GALNT8: variants seen among roughly 807,000 people sequenced by gnomAD.
GALNT8 encodes the protein probable polypeptide N-acetylgalactosaminyltransferase 8.
Under a neutral mutation model 62.7 loss-of-function variants are expected in GALNT8, and 66 were observed. The observed-to-expected ratio is 1.05, with a 90% CI of 0.86 to 1.29. The LOEUF (loss-of-function observed/expected upper bound fraction) is 1.29, where lower values mean the gene tolerates loss of function less well. GALNT8 is among the 50% of genes most tolerant of loss of function. The probability of loss-of-function intolerance (pLI) is 0.00; values close to 1 mark genes in which losing one functional copy is unlikely to be tolerated. For missense variants in GALNT8, 771 were observed against 791.8 expected (o/e 0.97, Z 0.32); for synonymous variants, 288 against 294.3 (o/e 0.98, Z 0.22).
At chr12:4,770,489 A>G (rs1946419333) in intron 10 of GALNT8, among the ~76,000 whole-genome samples, 1 of 152,090 alleles carries the variant, frequency 6.6e-6, no homozygotes, top group Non-Finnish European at 1.5e-5. Context: ...AAAGGTCACA[A>G]TAAATTATTG....
Position 4,764,009 on chromosome 12 carries a change from A to AC in GALNT8, c.1560dup (p.Ile521HisfsTer7). The AC allele has an allele frequency of 6.3e-7, 1 of 1,599,766 alleles. No homozygotes were observed. Among genetic ancestry groups the AC allele is most frequent in the Non-Finnish European group, 8.6e-7 (1 of 1,166,832 alleles). ...GGATCAGGGACCCGTTCCAGGCAAC[A>AC]CCCCCATCATGTATTACTGCCATGA... On this transcript the variant is annotated frameshift_variant, in exon 9 of 11. Transcript: ENST00000252318. LOFTEE classifies it high-confidence loss of function.
rs73264336 is a variant in GALNT8, at chr12:4,761,035, C to T, written c.1251C>T (p.Tyr417=). ...ACCTAGAGAGACACCACAAGCCCTA[C>T]GCCTTGGATCTCACCGCTGCCTTGA... ...IAHLERHHKP[Y]ALDLTAALKR... Residue 417 remains tyrosine (Y), a synonymous_variant, in exon 7 of 11, where the codon TAC becomes TAT. Transcript: ENST00000252318. 6.5e-4 allele frequency: 1,056 copies of T among 1,614,026 alleles called. 3 individuals are homozygous for T. In the African/African-American group the frequency reaches 0.012, roughly 18 times the overall value.
chr12:4,747,298 T>G (rs1316606956), intron 6 of GALNT8, among the ~76,000 whole-genome samples: 1 of 152,208 alleles, frequency 6.6e-6, no homozygotes, highest in East Asian at 1.9e-4. Flanking sequence ...TGCCATCAAA[T>G]AGTAGGTCTT....
At chr12:4,755,399 C>T (rs753809379) in intron 6 of GALNT8, among the ~76,000 whole-genome samples, 2 of 152,166 alleles carry the variant, frequency 1.3e-5, no homozygotes, top group Non-Finnish European at 1.5e-5. Flanking sequence ...GAGTGCCTCA[C>T]GATTGCTGTG....
Position 4,749,092 on chromosome 12 carries a change from C to T in GALNT8, c.1173+2834C>T, listed in dbSNP as rs150455712. ...TGCAACTTTACTGAATTTATCAGTT[C>T]GAATAGTTTTTTGGTGGAGTCTTTA... On this transcript the variant is annotated intron_variant, in intron 6 of 10. Transcript: ENST00000252318. The surrounding 1 kb of genome is among the most constrained non-coding windows in gnomAD (Gnocchi z 4.1). Among the ~76,000 whole-genome samples, 1,533 of 152,118 alleles carry T rather than the reference C, an allele frequency of 0.01. 33 individuals carry two copies. The highest frequency in any genetic ancestry group is 0.035 in the African/African-American group (1,460 of 41,512).
intron 10 of GALNT8, among the ~76,000 whole-genome samples, chr12:4,769,910 A>G (rs1200808343): frequency 6.6e-6 from 1 of 152,118 alleles, no homozygotes; most frequent in Admixed American, 6.5e-5. Flanking sequence ...AATGTTTTCC[A>G]AGTTAAAAAA....
chr12:4,720,790 C>A lies in GALNT8; in HGVS notation c.113C>A (p.Thr38Lys). ...SSKGTLQNLF[T>K]GGLHRELPLH... is the part of the protein sequence containing the mutation. ...AAGGGGACTTTACAAAACCTGTTTA[C>A]GGGTGGTCTCCACAGGGAGCTTCCT... is the stretch of plus-strand genomic sequence containing the variant. Residue 38 changes from threonine to lysine, a missense_variant, in exon 1 of 11, where the codon ACG becomes AAG. Coordinates refer to ENST00000252318, the MANE Select transcript of GALNT8 (RefSeq NM_017417.2). 6.2e-7 allele frequency: 1 copy of A among 1,610,944 alleles called. No individual in the cohort carries two copies. The highest frequency in any genetic ancestry group is 8.5e-7 in the Non-Finnish European group (1 of 1,177,100).
intron 3 of GALNT8, among the ~76,000 whole-genome samples, chr12:4,741,366 G>A (rs1272603186): frequency 6.6e-6 from 1 of 152,086 alleles, no homozygotes; most frequent in African/African-American, 2.4e-5. Flanking sequence ...TCTGGGCATG[G>A]AGACTGGTAC....
At chr12:4,733,962 A>G (rs1946231821) in intron 2 of GALNT8, among the ~76,000 whole-genome samples, 1 of 152,126 alleles carries the variant, frequency 6.6e-6, no homozygotes, top group African/African-American at 2.4e-5. Context: ...TTCTCCTCTT[A>G]TTGCTCCTAG....
intron 1 of GALNT8, among the ~76,000 whole-genome samples, chr12:4,725,464 A>G (rs953334876): frequency 7.9e-5 from 12 of 152,092 alleles, no homozygotes; most frequent in African/African-American, 2.7e-4. Context: ...TGTTTAAAAT[A>G]TAGATTCTCA....
intron 2 of GALNT8, among the ~76,000 whole-genome samples, chr12:4,736,886 T>C (rs1398200314): frequency 6.6e-6 from 1 of 152,144 alleles, no homozygotes; most frequent in Non-Finnish European, 1.5e-5. Flanking sequence ...GCCCAGATAT[T>C]GGACTTATCT....
chr12:4,744,808 C>A (rs1946289624), intron 4 of GALNT8, 108 bp downstream of exon 4: 4 of 701,786 alleles, frequency 5.7e-6, no homozygotes, highest in Non-Finnish European at 9.1e-6. Context: ...CAGCACCAGG[C>A]CTTAAATAAA....
At position 4,726,553 on chromosome 12, in the gene GALNT8, T is replaced by C. The variant is rs1946196265; in HGVS notation, c.233T>C (p.Leu78Pro). The C allele has an allele frequency of 3.1e-6, 5 of 1,612,848 alleles. No homozygotes were observed. The highest frequency in any genetic ancestry group is 4.2e-6 in the Non-Finnish European group (5 of 1,179,160). Residue 78 changes from leucine to proline, a missense_variant, in exon 2 of 11, where the codon CTG becomes CCG. By Grantham distance (98) the Leu-to-Pro change is moderately conservative. Coordinates refer to ENST00000252318, the MANE Select transcript of GALNT8 (RefSeq NM_017417.2). The surrounding 1 kb of genome is among the most constrained non-coding windows in gnomAD (Gnocchi z 4.1). Reference sequence around the variant, plus strand: ...GCAGAAGAAAGTATGAAATTAGCTCTGAGGCAACAAGAAAATGTGAACAGC... The same window carrying C: ...GCAGAAGAAAGTATGAAATTAGCTCCGAGGCAACAAGAAAATGTGAACAGC... ...QDLKESMKLA[L>P]RQQENVNSTL...
At chr12:4,750,584 T>C (rs565405053) in intron 6 of GALNT8, among the ~76,000 whole-genome samples, 1 of 152,312 alleles carries the variant, frequency 6.6e-6, no homozygotes, top group South Asian at 2.1e-4. Context: ...CATTATCCAG[T>C]CTATCATTGA....
At chr12:4,729,497 T>C (rs1420344957) in intron 2 of GALNT8, among the ~76,000 whole-genome samples, 2 of 152,180 alleles carry the variant, frequency 1.3e-5, no homozygotes, top group African/African-American at 4.8e-5. Context: ...AATTCAACTT[T>C]TTCAGATTCC....
At chr12:4,727,641 C>G (rs960817699) in intron 2 of GALNT8, among the ~76,000 whole-genome samples, 2 of 152,130 alleles carry the variant, frequency 1.3e-5, no homozygotes, top group African/African-American at 4.8e-5. Flanking sequence ...ACATTTTTCA[C>G]TTATCACAGT....
chr12:4,741,813 AGAT>A (rs1402744374), intron 3 of GALNT8, among the ~76,000 whole-genome samples: 2 of 152,184 alleles, frequency 1.3e-5, no homozygotes, highest in African/African-American at 2.4e-5. Flanking sequence ...TTTTTCACAG[AGAT>A]GATTTGTTTG....
intron 7 of GALNT8, among the ~76,000 whole-genome samples, chr12:4,762,538 G>T (rs1299688302): frequency 6.6e-6 from 1 of 152,152 alleles, no homozygotes; most frequent in African/African-American, 2.4e-5. Context: ...GGGTTTTATT[G>T]ATGTAAATAT....
Position 4,731,648 on chromosome 12 carries a change from G to A in GALNT8, c.509+4819G>A, listed in dbSNP as rs138185990. ...TCATATGACCTTTATTGTATTGAAG[G>A]TACAATTCTTCTATACCTAATTAGT... On this transcript the variant is annotated intron_variant, in intron 2 of 10. Transcript: ENST00000252318. 3.2e-3 allele frequency among the ~76,000 whole-genome samples: 494 copies of A among 152,110 alleles called. 1 individual carries two copies. Among genetic ancestry groups the A allele is most frequent in the African/African-American group, 0.011 (449 of 41,478 alleles).
Sources: gnomAD v4.1 joint callset for allele counts (sites outside exome capture counted in the v4.1 genomes callset) on GRCh38, gnomAD v4.1.1 for gene constraint, Gnocchi (gnomAD v3.1) non-coding constraint, MANE v1.5 for transcripts, NCBI Gene and HGNC (gene_info 2026-07-23, HGNC 2026-07-21) for gene names.